The following EXT1 variants were observed in gnomAD, a reference collection of about 807,000 sequenced individuals.
The protein encoded by EXT1 is exostosin glycosyltransferase 1.
A neutral mutation model predicts 82.5 loss-of-function variants in EXT1; 20 were observed. The observed-to-expected ratio is 0.24, with a 90% CI of 0.17 to 0.35. The LOEUF is 0.35. Among genes scored for constraint, EXT1 ranks in the 10% least tolerant of loss-of-function variants. The pLI, the probability that EXT1 is intolerant of heterozygous loss-of-function variation, is 1.00. For missense variants in EXT1, 757 were observed against 936.5 expected (o/e 0.81, Z 2.50); for synonymous variants, 348 against 350.8 (o/e 0.99, Z 0.09).
chr8:117,864,706 G>A (rs150654106), intron 1 of EXT1, among the ~76,000 whole-genome samples: 4,559 of 144,398 alleles, frequency 0.032, 99 homozygotes, highest in Middle Eastern at 0.073. Flanking sequence ...CGCAGATAGC[G>A]CCACTGCACT....
chr8:117,856,924 G>C (rs1194754614), intron 1 of EXT1, among the ~76,000 whole-genome samples: 1 of 152,112 alleles, frequency 6.6e-6, no homozygotes, highest in Admixed American at 6.5e-5. Context: ...ACTTGAAGTT[G>C]AAGCCAATGC....
At chr8:118,091,117 C>A (rs1053454664) in intron 1 of EXT1, among the ~76,000 whole-genome samples, 1 of 152,180 alleles carries the variant, frequency 6.6e-6, no homozygotes, top group African/African-American at 2.4e-5. Flanking sequence ...TATCTCTCAG[C>A]CTGCTCCCCA....
chr8:118,092,420 G>A (rs1817539510), intron 1 of EXT1, among the ~76,000 whole-genome samples: 1 of 152,142 alleles, frequency 6.6e-6, no homozygotes, highest in African/African-American at 2.4e-5. Context: ...AGAGGAGAAT[G>A]AATCAGCTTT....
chr8:117,958,128 A>G (rs548228134), intron 1 of EXT1, among the ~76,000 whole-genome samples: 2 of 151,436 alleles, frequency 1.3e-5, no homozygotes, highest in East Asian at 1.9e-4. Flanking sequence ...TTTTTTTTTA[A>G]TAAGTGCACT....
intron 1 of EXT1, among the ~76,000 whole-genome samples, chr8:117,968,553 ATTTTTTTTTTTTTTT>A (rs1182180428): frequency 0.01 from 96 of 9,278 alleles, 4 homozygotes; most frequent in South Asian, 9.0e-3. Context: ...TTATTTATTT[ATTTTTTTTTTTTTTT>A]TTTTTTTTTT....
chr8:118,098,947 C>T (rs1817668778), intron 1 of EXT1, among the ~76,000 whole-genome samples: 1 of 152,022 alleles, frequency 6.6e-6, no homozygotes, highest in Admixed American at 6.5e-5. Flanking sequence ...GCGGAAATTG[C>T]TAAAGTTGGT....
intron 1 of EXT1, among the ~76,000 whole-genome samples, chr8:117,969,915 T>A (rs970384539): frequency 6.6e-6 from 1 of 152,174 alleles, no homozygotes; most frequent in Non-Finnish European, 1.5e-5. Context: ...GGATCCAAGT[T>A]ACCTTGATTA....
chr8:118,018,810 C>T (rs1031654956), intron 1 of EXT1, among the ~76,000 whole-genome samples: 3 of 152,134 alleles, frequency 2.0e-5, no homozygotes, highest in Admixed American at 6.5e-5. Flanking sequence ...AATTTTGTCA[C>T]GCAACCCTGA....
At chr8:117,881,614 T>C (rs567882228) in intron 1 of EXT1, among the ~76,000 whole-genome samples, 18 of 152,282 alleles carry the variant, frequency 1.2e-4, no homozygotes, top group East Asian at 5.8e-4. Context: ...ATGCAGATGA[T>C]TGGTTTGCGG....
At chr8:117,989,339 G>C (rs940218519) in intron 1 of EXT1, among the ~76,000 whole-genome samples, 1 of 151,734 alleles carries the variant, frequency 6.6e-6, no homozygotes, top group African/African-American at 2.4e-5. Flanking sequence ...GGGTCTCCTT[G>C]CTTCCACTCC....
Position 117,990,634 on chromosome 8 carries a change from A to G in EXT1, c.962+119451T>C, listed in dbSNP as rs1279902525. On this transcript the variant is annotated intron_variant, in intron 1 of 10. Transcript: ENST00000378204. ...GCTGGGGAATGCAGTTCCCACTTGC[A>G]TAAACACTGCCCACAACCTGACTTC... is the stretch of plus-strand genomic sequence containing the variant. Among the ~76,000 whole-genome samples the G allele has an allele frequency of 2.6e-5, 4 of 152,242 alleles. No homozygotes were observed. The East Asian group carries it at 7.7e-4, about 29-fold the overall frequency.
chr8:117,873,184 C>CT (rs1337544477), intron 1 of EXT1, among the ~76,000 whole-genome samples: 5 of 152,152 alleles, frequency 3.3e-5, no homozygotes, highest in African/African-American at 1.2e-4. Flanking sequence ...TCACCAGAAG[C>CT]TGACCATGTT....
intron 1 of EXT1, among the ~76,000 whole-genome samples, chr8:118,008,418 C>T (rs1401313550): frequency 6.6e-6 from 1 of 152,068 alleles, no homozygotes; most frequent in Non-Finnish European, 1.5e-5. Flanking sequence ...CACCACCATG[C>T]CTGGCTAACT....
intron 1 of EXT1, among the ~76,000 whole-genome samples, chr8:118,011,869 AAC>A (rs1215519832): frequency 2.6e-5 from 4 of 152,304 alleles, no homozygotes; most frequent in African/African-American, 7.2e-5. Flanking sequence ...TAGAAATGGA[AAC>A]AGTCTGTTTT....
intron 10 of EXT1, among the ~76,000 whole-genome samples, chr8:117,803,448 C>T (rs960280469): frequency 6.6e-6 from 1 of 152,096 alleles, no homozygotes; most frequent in Non-Finnish European, 1.5e-5. Flanking sequence ...CTGCCTGCCT[C>T]GGCCTCCCAA....
At chr8:118,004,978 T>C (rs1815744494) in intron 1 of EXT1, among the ~76,000 whole-genome samples, 1 of 152,194 alleles carries the variant, frequency 6.6e-6, no homozygotes, top group Admixed American at 6.5e-5. Flanking sequence ...AAACATGGTC[T>C]ATTTATTCTC....
intron 1 of EXT1, among the ~76,000 whole-genome samples, chr8:117,860,502 A>T (rs370481298): frequency 6.6e-6 from 1 of 152,172 alleles, no homozygotes; most frequent in South Asian, 2.1e-4. Context: ...CCCTAAATCT[A>T]TTTCAAATAA....
chr8:118,107,747 T>A (rs1481063695), intron 1 of EXT1, among the ~76,000 whole-genome samples: 2 of 152,216 alleles, frequency 1.3e-5, no homozygotes, highest in Non-Finnish European at 2.9e-5. Context: ...TAAGCACCAT[T>A]TCTCAAAGAC....
intron 1 of EXT1, among the ~76,000 whole-genome samples, chr8:118,073,649 GAAGA>G (rs1817144388): frequency 8.0e-6 from 1 of 124,294 alleles, no homozygotes; most frequent in African/African-American, 3.1e-5. Context: ...GAAGAGAAGA[GAAGA>G]GAAGAGAAGA....
Sources: allele counts gnomAD v4.1 joint callset (sites outside exome capture counted in the v4.1 genomes callset), GRCh38; gene constraint gnomAD v4.1.1; transcripts MANE v1.5; gene names NCBI Gene and HGNC (gene_info 2026-07-23, HGNC 2026-07-21).